DSCAM: variants seen among roughly 807,000 people sequenced by gnomAD.
DSCAM encodes the protein DS cell adhesion molecule.
In DSCAM, 47 loss-of-function variants were observed where a neutral mutation model predicts 217.7. The ratio of observed to expected loss-of-function variants is 0.22; its 90% CI spans 0.17 to 0.28. DSCAM has a LOEUF of 0.28. Ranked by LOEUF, DSCAM falls within the 10% of genes least tolerant of loss-of-function variation. The probability of loss-of-function intolerance (pLI) is 1.00; values close to 1 mark genes in which losing one functional copy is unlikely to be tolerated. For missense variants in DSCAM, 2,080 were observed against 2,618.3 expected, an observed-to-expected ratio of 0.79 and a Z score of 4.49; for synonymous variants, 1,056 against 1,015.3, an observed-to-expected ratio of 1.04 and a Z score of -0.76.
At chr21:40,102,520 G>C (rs764771343) in intron 20 of DSCAM, among the ~76,000 whole-genome samples, 1 of 152,100 alleles carries the variant, frequency 6.6e-6, no homozygotes, top group Non-Finnish European at 1.5e-5. Context: ...TTTTCTCCTA[G>C]TGCTTCAGGG....
At chr21:40,060,950 G>A (rs753831316) in intron 28 of DSCAM, among the ~76,000 whole-genome samples, 2 of 152,110 alleles carry the variant, frequency 1.3e-5, no homozygotes, top group East Asian at 1.9e-4. Flanking sequence ...CAAAAAGCAC[G>A]GGCTGAAGGC....
intron 3 of DSCAM, among the ~76,000 whole-genome samples, chr21:40,617,314 C>CG (rs1393119564): frequency 6.6e-6 from 1 of 151,692 alleles, no homozygotes; most frequent in African/African-American, 2.4e-5. Flanking sequence ...TTAGTAGAGA[C>CG]GGGGTTTCAC....
chr21:40,232,160 A>G (rs557511964), intron 11 of DSCAM, among the ~76,000 whole-genome samples: 1 of 152,352 alleles, frequency 6.6e-6, no homozygotes, highest in South Asian at 2.1e-4. Flanking sequence ...CTGTAACTAC[A>G]GGCAGATGAC....
chr21:40,663,841 G>A (rs893114393), intron 3 of DSCAM, among the ~76,000 whole-genome samples: 2 of 152,112 alleles, frequency 1.3e-5, no homozygotes, highest in African/African-American at 4.8e-5. Context: ...GTTACTCCTG[G>A]AGTTTTCAGT....
chr21:40,348,560 CTA>C (rs2074591981), intron 5 of DSCAM, among the ~76,000 whole-genome samples: 1 of 152,156 alleles, frequency 6.6e-6, no homozygotes, highest in Non-Finnish European at 1.5e-5. Flanking sequence ...AATCATACTC[CTA>C]ACAGTTCTTA....
At chr21:40,029,206 GCTT>G (rs993076186) in intron 32 of DSCAM, among the ~76,000 whole-genome samples, 6 of 152,106 alleles carry the variant, frequency 3.9e-5, no homozygotes, top group Non-Finnish European at 2.9e-5. Flanking sequence ...TTGGATTACT[GCTT>G]CTTCTTCTTA....
At chr21:40,415,505 T>C (rs755877653) in intron 3 of DSCAM, among the ~76,000 whole-genome samples, 27 of 152,138 alleles carry the variant, frequency 1.8e-4, no homozygotes, top group Admixed American at 9.2e-4. Context: ...TGCTGAGGAG[T>C]GAGACCAAAT....
rs1490666344 is a variant in DSCAM at position 40,780,421 on chromosome 21, G to GTATATATATATATATATATATA, written c.43+66197_43+66198insTATATATATATATATATATATA. ...AACGTGTGTGTGTGTGTGTGTGTGT[G>GTATATATATATATATATATATA]TGTATATATATATATATATATATAT... On this transcript the variant is annotated intron_variant, in intron 1 of 32. Coordinates refer to ENST00000400454, the MANE Select transcript of DSCAM (RefSeq NM_001389.5). Among the ~76,000 whole-genome samples, 114 of 47,974 alleles carry GTATATATATATATATATATATA rather than the reference G, an allele frequency of 2.4e-3. 1 individual carries two copies. The highest frequency in any genetic ancestry group is 5.5e-3 in the African/African-American group (43 of 7,790). The allele number at this position is 47,974 out of a possible 152,430, so 31.5% of individuals were successfully genotyped here. A position where few individuals can be genotyped will look rare whatever the true frequency, so the allele number is the denominator to read the frequency against.
intron 32 of DSCAM, among the ~76,000 whole-genome samples, chr21:40,014,314 C>A (rs766985650): frequency 6.6e-6 from 1 of 152,168 alleles, no homozygotes; most frequent in African/African-American, 2.4e-5. Flanking sequence ...CGCTTGAACC[C>A]GGGAGGAGGA....
At chr21:40,682,073 T>C (rs2090407486) in intron 3 of DSCAM, among the ~76,000 whole-genome samples, 1 of 152,238 alleles carries the variant, frequency 6.6e-6, no homozygotes, top group East Asian at 1.9e-4. Flanking sequence ...TCATGGTATT[T>C]TTTTTTTGTA....
intron 28 of DSCAM, among the ~76,000 whole-genome samples, chr21:40,062,578 A>C (rs1033967198): frequency 9.2e-5 from 14 of 152,322 alleles, no homozygotes; most frequent in African/African-American, 3.4e-4. Context: ...AACTAAAGCT[A>C]CTTCCTCTTT....
chr21:40,830,051 G>T (rs980723571), intron 1 of DSCAM, among the ~76,000 whole-genome samples: 1 of 152,146 alleles, frequency 6.6e-6, no homozygotes, highest in Non-Finnish European at 1.5e-5. Flanking sequence ...ATGGCCATTT[G>T]TGTTAGGTCA....
intron 32 of DSCAM, among the ~76,000 whole-genome samples, chr21:40,025,639 A>AT (rs1228261367): frequency 6.6e-6 from 1 of 150,446 alleles, no homozygotes; most frequent in Non-Finnish European, 1.5e-5. Context: ...TTTCTTCTAG[A>AT]TTTTCTAGTT....
At chr21:40,635,674 T>G (rs2089749145) in intron 3 of DSCAM, among the ~76,000 whole-genome samples, 1 of 152,228 alleles carries the variant, frequency 6.6e-6, no homozygotes, top group South Asian at 2.1e-4. Context: ...CCATGTTTTC[T>G]TTTATAAGCA....
At chr21:40,237,582 T>C (rs2073096342) in intron 11 of DSCAM, among the ~76,000 whole-genome samples, 3 of 152,354 alleles carry the variant, frequency 2.0e-5, no homozygotes, top group Middle Eastern at 3.4e-3. Context: ...CCATGGTGTA[T>C]ATGTGCCACA....
At chr21:40,196,456 G>T (rs1384142636) in intron 11 of DSCAM, among the ~76,000 whole-genome samples, 5 of 152,074 alleles carry the variant, frequency 3.3e-5, no homozygotes, top group Admixed American at 3.3e-4. Context: ...TGGGGGTGGG[G>T]GTTATGCATG....
At chr21:40,709,126 A>G (rs1276308238) in intron 1 of DSCAM, among the ~76,000 whole-genome samples, 1 of 152,118 alleles carries the variant, frequency 6.6e-6, no homozygotes, top group Non-Finnish European at 1.5e-5. Context: ...GCCACTAGAG[A>G]TAAGCCTCAT....
intron 1 of DSCAM, among the ~76,000 whole-genome samples, chr21:40,739,012 C>A (rs2091095046): frequency 6.6e-6 from 1 of 152,208 alleles, no homozygotes; most frequent in Non-Finnish European, 1.5e-5. Context: ...TGCACCATTT[C>A]TGCTAGCGTC....
chr21:40,750,862 G>A (rs957004042), intron 1 of DSCAM, among the ~76,000 whole-genome samples: 3 of 152,168 alleles, frequency 2.0e-5, no homozygotes, highest in Middle Eastern at 3.4e-3. Flanking sequence ...CACCCAGCAC[G>A]CTGCTCCTTT....
Sources: gnomAD v4.1 joint callset for allele counts (sites outside exome capture counted in the v4.1 genomes callset) on GRCh38, gnomAD v4.1.1 for gene constraint, MANE v1.5 for transcripts, NCBI Gene and HGNC (gene_info 2026-07-23, HGNC 2026-07-21) for gene names.